ARNT2: variants seen among roughly 807,000 people sequenced by gnomAD.
The protein encoded by ARNT2 is ARNT protein 2.
In ARNT2, 36 loss-of-function variants were observed where a neutral mutation model predicts 91.7. The ratio of observed to expected loss-of-function variants is 0.39; its 90% CI spans 0.30 to 0.52. The LOEUF is 0.52. ARNT2 is among the 20% of genes least tolerant of loss of function. The pLI is 0.72. For synonymous variants in ARNT2, 365 were observed against 347.1 expected, an observed-to-expected ratio of 1.05 and a Z score of -0.57; for missense variants, 775 against 939.3, an observed-to-expected ratio of 0.83 and a Z score of 2.29.
intron 18 of ARNT2, 76 bp from the exon 19 acceptor site, chr15:80,593,524 T>C (rs980480450): frequency 8.1e-7 from 1 of 1,232,186 alleles, no homozygotes; most frequent in African/African-American, 1.5e-5. Context: ...GAGTGCAGAC[T>C]GGGCTCCTGG....
At chr15:80,515,266 AC>A (rs914992902) in intron 8 of ARNT2, among the ~76,000 whole-genome samples, 3 of 152,226 alleles carry the variant, frequency 2.0e-5, no homozygotes, top group African/African-American at 7.2e-5. Context: ...TCCTAAATAT[AC>A]AACCAAGAGA....
At chr15:80,417,156 T>C (rs754069115) in intron 1 of ARNT2, among the ~76,000 whole-genome samples, 4 of 152,330 alleles carry the variant, frequency 2.6e-5, no homozygotes, top group South Asian at 4.1e-4. Context: ...TTACCAACTT[T>C]CCTGACATAC....
rs563828171 is a variant in ARNT2 at position 80,576,740 on chromosome 15, G to A, written c.1514-126G>A. 2.4e-5 allele frequency: 22 copies of A among 917,416 alleles called. No homozygotes were observed. The East Asian group carries it at 3.6e-4, about 15-fold the overall frequency. The allele number at this position is 917,416 out of a possible 1,614,324, so 56.8% of individuals were successfully genotyped here. On this transcript the variant is annotated intron_variant, in intron 14 of 18. Transcript: ENST00000303329. Reference sequence around the variant, plus strand: ...GCAAGGCTGAGAAGATTGCGTGCAGGCGGGCTGCCCTGACTTGTGTCCTCC... The same window carrying A: ...GCAAGGCTGAGAAGATTGCGTGCAGACGGGCTGCCCTGACTTGTGTCCTCC...
Position 80,440,421 on chromosome 15 carries a change from T to C in ARNT2, c.32-10459T>C, listed in dbSNP as rs963616473. 2.6e-5 allele frequency among the ~76,000 whole-genome samples: 4 copies of C among 152,210 alleles called. No homozygotes were observed. The East Asian group carries it at 7.7e-4, about 29-fold the overall frequency. ...CTTCTTGCTGGGTCTGTTTTATTTTTACTCCTTTTACAAATTTCAGCACAG... is the reference window on the plus strand; with the variant it reads ...CTTCTTGCTGGGTCTGTTTTATTTTCACTCCTTTTACAAATTTCAGCACAG... On this transcript the variant is annotated intron_variant, in intron 1 of 18. Coordinates refer to ENST00000303329, the MANE Select transcript of ARNT2 (RefSeq NM_014862.4).
intron 1 of ARNT2, chr15:80,441,298 T>C: frequency 1.0e-6 from 1 of 985,038 alleles, no homozygotes; most frequent in Non-Finnish European, 1.2e-6. Flanking sequence ...TTTCTGACAT[T>C]TCTTCTACAC....
intron 5 of ARNT2, among the ~76,000 whole-genome samples, chr15:80,482,576 GA>G (rs1452743702): frequency 6.6e-6 from 1 of 152,204 alleles, no homozygotes; most frequent in African/African-American, 2.4e-5. Flanking sequence ...GGGGCATCTA[GA>G]GACAAAAAAG....
chr15:80,536,503 C>A (rs571637095), intron 8 of ARNT2, among the ~76,000 whole-genome samples: 1 of 152,322 alleles, frequency 6.6e-6, no homozygotes, highest in East Asian at 1.9e-4. Context: ...CCCCCAGGTA[C>A]CCTTTTCGTA....
At chr15:80,473,188 G>A (rs774404875) in intron 4 of ARNT2, among the ~76,000 whole-genome samples, 8 of 152,174 alleles carry the variant, frequency 5.3e-5, no homozygotes, top group Non-Finnish European at 1.5e-5. Flanking sequence ...GAGAGCGGTA[G>A]GTGATAGTCT....
At chr15:80,518,404 C>T (rs141649048) in intron 8 of ARNT2, among the ~76,000 whole-genome samples, 3,639 of 151,288 alleles carry the variant, frequency 0.024, 56 homozygotes, top group Non-Finnish European at 0.032. Context: ...TCTCAGCCTC[C>T]GAAGTAGCTG....
chr15:80,492,652 A>G (rs1477538817), intron 5 of ARNT2, among the ~76,000 whole-genome samples: 2 of 151,936 alleles, frequency 1.3e-5, no homozygotes, highest in Non-Finnish European at 2.9e-5. Flanking sequence ...AGCCTTTTGC[A>G]TATTATATTT....
chr15:80,555,028 G>A (rs1409070130), intron 10 of ARNT2, 37 bp from the exon 11 acceptor site: 3 of 1,575,244 alleles, frequency 1.9e-6, no homozygotes, highest in Non-Finnish European at 2.6e-6. Context: ...AATTACAAAT[G>A]GATCTGGGAT....
intron 5 of ARNT2, among the ~76,000 whole-genome samples, chr15:80,498,609 C>G (rs1897151129): frequency 6.6e-6 from 1 of 152,236 alleles, no homozygotes; most frequent in Non-Finnish European, 1.5e-5. Flanking sequence ...AATATGGATG[C>G]AAACCCATTC....
At chr15:80,493,772 A>G (rs1897087502) in intron 5 of ARNT2, among the ~76,000 whole-genome samples, 1 of 152,130 alleles carries the variant, frequency 6.6e-6, no homozygotes, top group Admixed American at 6.6e-5. Context: ...TCCAAATCTC[A>G]TGTTGAAATT....
At chr15:80,513,889 T>G (rs1180216532) in intron 6 of ARNT2, 22 bp from the exon 7 acceptor site, 3 of 1,601,974 alleles carry the variant, frequency 1.9e-6, no homozygotes, top group Non-Finnish European at 2.6e-6. Flanking sequence ...TTGCTCATTC[T>G]AATACACTTG....
At chr15:80,491,466 C>T (rs564141967) in intron 5 of ARNT2, among the ~76,000 whole-genome samples, 11 of 152,224 alleles carry the variant, frequency 7.2e-5, no homozygotes, top group South Asian at 4.2e-4. Context: ...ATCCCTTCAA[C>T]GACATGTGGG....
intron 5 of ARNT2, among the ~76,000 whole-genome samples, chr15:80,491,931 A>G (rs1897062875): frequency 1.3e-5 from 2 of 151,822 alleles, no homozygotes; most frequent in Admixed American, 1.3e-4. Flanking sequence ...CTGAAAAGAC[A>G]ATTCTTTCTC....
At chr15:80,581,485 C>T (rs1898797383) in intron 17 of ARNT2, 81 bp downstream of exon 17, 1 of 1,560,912 alleles carries the variant, frequency 6.4e-7, no homozygotes, top group African/African-American at 1.4e-5. Context: ...GGAGGCTGAG[C>T]TCCAAGCTCC....
At chr15:80,563,589 G>C (rs1308611186) in intron 12 of ARNT2, among the ~76,000 whole-genome samples, 2 of 152,206 alleles carry the variant, frequency 1.3e-5, no homozygotes, top group African/African-American at 4.8e-5. Context: ...CCCTGTTGCA[G>C]CAGCTGCTTG....
rs564389802 is a variant in ARNT2, at chr15:80,529,700, G to A, written c.877+15295G>A. 3.3e-5 allele frequency among the ~76,000 whole-genome samples: 5 copies of A among 152,120 alleles called. No homozygotes were observed. The East Asian group carries it at 7.7e-4, about 24-fold the overall frequency. ...AATTTATCTATGGTTTTTCAGAGTTGCTGCTGCTTCTCAGTTGCTCTCTTC... is the reference window on the plus strand; with the variant it reads ...AATTTATCTATGGTTTTTCAGAGTTACTGCTGCTTCTCAGTTGCTCTCTTC... On this transcript the variant is annotated intron_variant, in intron 8 of 18. Coordinates refer to ENST00000303329, the MANE Select transcript of ARNT2 (RefSeq NM_014862.4).
Sources: allele counts gnomAD v4.1 joint callset (sites outside exome capture counted in the v4.1 genomes callset), GRCh38; gene constraint gnomAD v4.1.1; transcripts MANE v1.5; gene names NCBI Gene and HGNC (gene_info 2026-07-23, HGNC 2026-07-21).